The following NRG4 variants were observed in gnomAD, a reference collection of about 807,000 sequenced individuals.
The protein encoded by NRG4 is pro-neuregulin-4, membrane-bound isoform.
NRG4 carries 10 observed loss-of-function variants against 15.0 expected under a neutral mutation model. The observed-to-expected ratio is 0.67, with a 90% CI of 0.41 to 1.13. The LOEUF is 1.13. Ranked by LOEUF, NRG4 falls within the 50% of genes most tolerant of loss-of-function variation. The pLI is 0.00. For synonymous variants in NRG4, 41 were observed against 50.1 expected (o/e 0.82, Z 0.77); for missense variants, 139 against 140.2 (o/e 0.99, Z 0.04).
chr15:76,048,152 CA>C (rs113391379), intron 4 of NRG4, among the ~76,000 whole-genome samples: 2,928 of 68,696 alleles, frequency 0.043, 106 homozygotes, highest in African/African-American at 0.11. Context: ...AACCCTGTTT[CA>C]AAAAAAAAAA....
intron 4 of NRG4, among the ~76,000 whole-genome samples, chr15:76,047,845 A>G (rs2035909563): frequency 6.6e-6 from 1 of 151,132 alleles, no homozygotes; most frequent in Non-Finnish European, 1.5e-5. Context: ...AATTCCCCAA[A>G]TTAATAATTC....
downstream of NRG4, chr15:75,940,421 A>G (rs2030825870): frequency 1.3e-5 from 2 of 151,978 alleles, no homozygotes; most frequent in African/African-American, 4.8e-5. Context: ...AGTGATGTGC[A>G]GATTCACTAC....
chr15:76,014,557 C>T (rs1382284999), upstream of NRG4, among the ~76,000 whole-genome samples: 2 of 152,174 alleles, frequency 1.3e-5, no homozygotes, highest in African/African-American at 4.8e-5. Context: ...CAGTTTTCTG[C>T]ATATGGCTAT....
At chr15:76,059,906 A>G (rs2036256697), upstream of NRG4, 1 of 136,662 alleles carries the variant, frequency 7.3e-6, no homozygotes, top group Non-Finnish European at 1.6e-5. Flanking sequence ...GGAGGGGCGG[A>G]GGGAGCGGCG....
Position 75,971,025 on chromosome 15 carries a change from G to A in NRG4, c.105-9051C>T, listed in dbSNP as rs1005431287. The A allele has an allele frequency of 3.1e-5, 7 of 227,498 alleles. No individual in the cohort carries two copies. The South Asian group carries it at 3.5e-4, about 11-fold the overall frequency. The allele number at this position is 227,498 out of a possible 1,614,324, so 14.1% of individuals were successfully genotyped here. On this transcript the variant is annotated intron_variant, in intron 3 of 5. Transcript: ENST00000394907. Reference sequence around the variant, plus strand: ...AATACCTGTGATTTTCATTGTCTTCGAGCTATTTTACAACTCTGTAAATTG... The same window carrying A: ...AATACCTGTGATTTTCATTGTCTTCAAGCTATTTTACAACTCTGTAAATTG...
At chr15:76,028,903 CAAAAAAA>C (rs34533266) in intron 5 of NRG4, among the ~76,000 whole-genome samples, 2 of 54,300 alleles carry the variant, frequency 3.7e-5, no homozygotes, top group South Asian at 8.5e-4. Context: ...ACTCCTCCTC[CAAAAAAA>C]AAAAAAAAAA....
intron 5 of NRG4, among the ~76,000 whole-genome samples, chr15:76,018,941 C>T (rs1365557424): frequency 6.6e-6 from 1 of 152,112 alleles, no homozygotes. Context: ...CACCCCTTCC[C>T]CCAGGTCCTC....
intron 4 of NRG4, among the ~76,000 whole-genome samples, chr15:76,040,153 G>A (rs1306817865): frequency 6.6e-6 from 1 of 152,066 alleles, no homozygotes; most frequent in East Asian, 1.9e-4. Context: ...ATAAAGAAAG[G>A]ATCCCAAAAG....
At chr15:76,046,844 C>T (rs1188634018) in intron 4 of NRG4, among the ~76,000 whole-genome samples, 1 of 150,770 alleles carries the variant, frequency 6.6e-6, no homozygotes, top group Non-Finnish European at 1.5e-5. Flanking sequence ...TGCACAAGGA[C>T]ACAATCAACA....
downstream of NRG4, chr15:75,936,492 A>G (rs1017077941): frequency 1.3e-5 from 2 of 152,206 alleles, no homozygotes; most frequent in African/African-American, 4.8e-5. Context: ...CTATGCCACA[A>G]CTGAAGACAG....
intron 5 of NRG4, among the ~76,000 whole-genome samples, chr15:76,028,926 A>C (rs1372217069): frequency 6.6e-6 from 1 of 151,552 alleles, no homozygotes; most frequent in Admixed American, 6.6e-5. Flanking sequence ...AAAAAAAAAA[A>C]ACTGTGATAG....
chr15:75,963,951 T>C (rs2032665069), intron 3 of NRG4, among the ~76,000 whole-genome samples: 1 of 151,608 alleles, frequency 6.6e-6, no homozygotes, highest in South Asian at 2.1e-4. Context: ...TCAAAAAATA[T>C]ATATACATAT....
intron 4 of NRG4, among the ~76,000 whole-genome samples, chr15:76,039,663 A>G (rs1004295085): frequency 1.3e-5 from 2 of 152,216 alleles, no homozygotes; most frequent in African/African-American, 4.8e-5. Context: ...CTTAAAGAGA[A>G]GGTAGAGAGA....
At position 76,050,597 on chromosome 15, in the gene NRG4, A is replaced by ATT. The variant is rs35228253; in HGVS notation, c.-105+1468_-105+1469dup. Among the ~76,000 whole-genome samples, 820 of 108,916 alleles carry ATT rather than the reference A, an allele frequency of 7.5e-3. 31 individuals carry two copies. Among genetic ancestry groups the ATT allele is most frequent in the African/African-American group, 0.029 (766 of 26,346 alleles). The allele number at this position is 108,916 out of a possible 152,430, so 71.5% of individuals were successfully genotyped here. ...AGGCACTCACCACCACGCTCGGCTA[A>ATT]TTTTTTTTTTTTTTTTTTTTTGTAT... On this transcript the variant is annotated intron_variant, in intron 4 of 8. Transcript: ENST00000563910.
intron 3 of NRG4, among the ~76,000 whole-genome samples, chr15:75,986,243 GGTAA>G (rs2033798779): frequency 6.6e-6 from 1 of 152,024 alleles, no homozygotes; most frequent in Non-Finnish European, 1.5e-5. Flanking sequence ...ATATACAGCT[GGTAA>G]GAATTCACAT....
At chr15:75,998,026 T>C (rs887520175) in intron 3 of NRG4, among the ~76,000 whole-genome samples, 3 of 152,226 alleles carry the variant, frequency 2.0e-5, no homozygotes, top group African/African-American at 7.2e-5. Context: ...AAAGTTTGAC[T>C]TGGGTTTCAG....
At chr15:76,004,599 C>CAA (rs550312663) in intron 3 of NRG4, among the ~76,000 whole-genome samples, 13 of 60,220 alleles carry the variant, frequency 2.2e-4, no homozygotes, top group East Asian at 5.5e-4. Flanking sequence ...AACTCCGTCT[C>CAA]AAAAAAAAAA....
intron 3 of NRG4, among the ~76,000 whole-genome samples, chr15:75,972,558 G>A (rs2033148556): frequency 6.6e-6 from 1 of 152,156 alleles, no homozygotes; most frequent in African/African-American, 2.4e-5. Flanking sequence ...AAGGTGTAAG[G>A]AAGGGGTCCA....
intron 2 of NRG4, among the ~76,000 whole-genome samples, chr15:76,055,024 A>T (rs1278518727): frequency 8.5e-6 from 1 of 117,952 alleles, no homozygotes; most frequent in Non-Finnish European, 2.0e-5. Context: ...TCATGCCTAT[A>T]ATCCCAGCAC....
Sources: allele counts gnomAD v4.1 joint callset (sites outside exome capture counted in the v4.1 genomes callset), GRCh38; gene constraint gnomAD v4.1.1; transcripts MANE v1.5; gene names NCBI Gene and HGNC (gene_info 2026-07-23, HGNC 2026-07-21).